Variants in FRMD6 observed in about 807,000 individuals in gnomAD.
The protein encoded by FRMD6 is FERM domain-containing protein 6.
In FRMD6, 37 loss-of-function variants were observed where a neutral mutation model predicts 73.2. That is an observed-to-expected ratio of 0.51 (90% CI 0.39 to 0.66). The LOEUF is 0.66. FRMD6 is among the 30% of genes least tolerant of loss of function. The probability of loss-of-function intolerance (pLI) is 0.00; values close to 1 mark genes in which losing one functional copy is unlikely to be tolerated. For synonymous variants in FRMD6, 273 were observed against 282.2 expected, an observed-to-expected ratio of 0.97 and a Z score of 0.33; for missense variants, 714 against 780.5, an observed-to-expected ratio of 0.91 and a Z score of 1.02.
chr14:51,463,367 T>C, the FRMD6 span, among the ~76,000 whole-genome samples: 1 of 152,232 alleles, frequency 6.6e-6, no homozygotes, highest in African/African-American at 2.4e-5. Context: ...TTACTTATAA[T>C]ACCTACACAT....
chr14:51,422,333 C>A, the FRMD6 span, among the ~76,000 whole-genome samples: 6 of 152,076 alleles, frequency 3.9e-5, no homozygotes, highest in African/African-American at 1.4e-4. Context: ...CCAAGAATGG[C>A]AAATGGTATT....
chr14:51,542,325 T>A (rs1203256892), intron 1 of FRMD6, among the ~76,000 whole-genome samples: 2 of 152,198 alleles, frequency 1.3e-5, no homozygotes, highest in East Asian at 3.9e-4. Context: ...ACCAATCTGC[T>A]TTCAGTATCC....
At chr14:51,680,598 C>T (rs1247527848) in intron 1 of FRMD6, among the ~76,000 whole-genome samples, 4 of 151,988 alleles carry the variant, frequency 2.6e-5, no homozygotes, top group Non-Finnish European at 5.9e-5. Flanking sequence ...TAACAGAATA[C>T]TTATGATCTT....
At chr14:51,581,090 T>C (rs569963088) in intron 2 of FRMD6, among the ~76,000 whole-genome samples, 1 of 152,302 alleles carries the variant, frequency 6.6e-6, no homozygotes, top group Non-Finnish European at 1.5e-5. Flanking sequence ...TATAAACCAA[T>C]GTGGCCCCAG....
chr14:51,588,770 C>T (rs1170333629), intron 2 of FRMD6, among the ~76,000 whole-genome samples: 2 of 152,178 alleles, frequency 1.3e-5, no homozygotes, highest in African/African-American at 4.8e-5. Flanking sequence ...AATCAAAGAA[C>T]AAAGAGAGGC....
At chr14:51,599,058 C>CTTTTCTTTTTTTTTTTTT (rs1158794443) in intron 2 of FRMD6, among the ~76,000 whole-genome samples, 45 of 72,816 alleles carry the variant, frequency 6.2e-4, no homozygotes, top group East Asian at 9.7e-4. Flanking sequence ...CAGTATCTGT[C>CTTTTCTTTTTTTTTTTTT]TTTTTTTTTT....
intron 2 of FRMD6, among the ~76,000 whole-genome samples, chr14:51,607,188 C>A (rs1890295261): frequency 6.6e-6 from 1 of 152,102 alleles, no homozygotes; most frequent in Non-Finnish European, 1.5e-5. Flanking sequence ...GCCAAGTTGA[C>A]ACCTAACACT....
intron 1 of FRMD6, among the ~76,000 whole-genome samples, chr14:51,661,070 G>C (rs1325531273): frequency 6.6e-6 from 1 of 152,194 alleles, no homozygotes; most frequent in Non-Finnish European, 1.5e-5. Flanking sequence ...GAGTGGAATG[G>C]GGAGCCAGGT....
At chr14:51,577,271 G>GAAA in intron 2 of FRMD6, among the ~76,000 whole-genome samples, 1 of 144,040 alleles carries the variant, frequency 6.9e-6, no homozygotes, top group African/African-American at 2.6e-5. Flanking sequence ...TACTCCAATG[G>GAAA]AAAAAAAAAA....
At chr14:51,488,848 T>C (rs1039940853), upstream of FRMD6, among the ~76,000 whole-genome samples, 12 of 152,236 alleles carry the variant, frequency 7.9e-5, no homozygotes, top group Non-Finnish European at 7.3e-5. Context: ...GGATGCCCTA[T>C]GGATGGAGAA....
chr14:51,653,854 G>T lies in FRMD6; in HGVS notation c.-147+1858G>T, dbSNP rs144626352. Reference sequence around the variant, plus strand: ...TTGGATTCATATTTCATATTAAAATGGACATTTAGTAGGATTATTAGATGA... The same window carrying T: ...TTGGATTCATATTTCATATTAAAATTGACATTTAGTAGGATTATTAGATGA... On this transcript the variant is annotated intron_variant, in intron 1 of 13. Coordinates refer to ENST00000344768, the MANE Select transcript of FRMD6 (RefSeq NM_001267046.2). Among the ~76,000 whole-genome samples the T allele has an allele frequency of 2.2e-3, 333 of 152,282 alleles. 2 individuals are homozygous for T. Among genetic ancestry groups the T allele is most frequent in the African/African-American group, 7.4e-3 (309 of 41,536 alleles).
intron 2 of FRMD6, among the ~76,000 whole-genome samples, chr14:51,575,140 A>G (rs1888334164): frequency 6.6e-6 from 1 of 152,208 alleles, no homozygotes; most frequent in African/African-American, 2.4e-5. Context: ...AATGGCTACT[A>G]GGAACATTAT....
chr14:51,610,706 A>G (rs1280167415), intron 2 of FRMD6, among the ~76,000 whole-genome samples: 1 of 152,218 alleles, frequency 6.6e-6, no homozygotes, highest in Non-Finnish European at 1.5e-5. Flanking sequence ...TTTTGTGTAG[A>G]AAAGGGAAAT....
At chr14:51,442,881 A>G in the FRMD6 span, among the ~76,000 whole-genome samples, 1 of 152,198 alleles carries the variant, frequency 6.6e-6, no homozygotes, top group Admixed American at 6.5e-5. Flanking sequence ...CAGCAAGAAA[A>G]CAAACAGAGT....
rs528060378 is a variant in FRMD6 at position 51,623,264 on chromosome 14, A to G, written c.-147+52854A>G. 2.6e-5 allele frequency among the ~76,000 whole-genome samples: 4 copies of G among 152,352 alleles called. No individual in the cohort carries two copies. In the East Asian group the frequency reaches 7.7e-4, roughly 29 times the overall value. On this transcript the variant is annotated intron_variant, in intron 2 of 14. Transcript: ENST00000356218. ...TTGGTGGAATTCTTGATCATATGTT[A>G]AGAAATGAAATGAGATTATCGCATT...
chr14:51,413,466 G>T, the FRMD6 span, among the ~76,000 whole-genome samples: 1 of 151,964 alleles, frequency 6.6e-6, no homozygotes, highest in Non-Finnish European at 1.5e-5. Context: ...ATCTTCATCC[G>T]TGTCCCTGCA....
chr14:51,606,061 G>A (rs1442254390), intron 2 of FRMD6, among the ~76,000 whole-genome samples: 4 of 152,192 alleles, frequency 2.6e-5, no homozygotes, highest in Non-Finnish European at 5.9e-5. Context: ...TCTCTCCAGG[G>A]TAAGGTAAGC....
chr14:51,625,669 A>G (rs1891088649), intron 2 of FRMD6, among the ~76,000 whole-genome samples: 2 of 152,106 alleles, frequency 1.3e-5, no homozygotes, highest in South Asian at 4.1e-4. Context: ...GTCCTCATTG[A>G]TCTCTGATCC....
At chr14:51,415,373 G>A in the FRMD6 span, among the ~76,000 whole-genome samples, 1 of 152,160 alleles carries the variant, frequency 6.6e-6, no homozygotes, top group East Asian at 1.9e-4. Flanking sequence ...GAAGGCTGTT[G>A]AATTTTGTCA....
Sources: allele counts gnomAD v4.1 joint callset (sites outside exome capture counted in the v4.1 genomes callset), GRCh38; gene constraint gnomAD v4.1.1; transcripts MANE v1.5; gene names NCBI Gene and HGNC (gene_info 2026-07-23, HGNC 2026-07-21).